C8orf34: variants seen among roughly 807,000 people sequenced by gnomAD.
C8orf34 encodes the protein uncharacterized protein C8orf34.
C8orf34 carries 65 observed loss-of-function variants against 68.3 expected under a neutral mutation model. The ratio of observed to expected loss-of-function variants is 0.95; its 90% CI spans 0.78 to 1.17. C8orf34 has a LOEUF of 1.17. Among genes scored for constraint, C8orf34 ranks in the 50% most tolerant of loss-of-function variants. C8orf34 has a pLI of 0.00. For synonymous variants in C8orf34, 244 were observed against 241.2 expected (o/e 1.01, Z -0.11); for missense variants, 664 against 655.4 (o/e 1.01, Z -0.14).
At chr8:68,553,384 CAAAAAAA>C (rs553767784) in intron 7 of C8orf34, among the ~76,000 whole-genome samples, 2 of 13,660 alleles carry the variant, frequency 1.5e-4, no homozygotes, top group Non-Finnish European at 3.2e-4. Context: ...GACTCCATCT[CAAAAAAA>C]AAAAAAAAAA....
intron 8 of C8orf34, among the ~76,000 whole-genome samples, chr8:68,647,256 C>T (rs1268554144): frequency 6.6e-6 from 1 of 152,038 alleles, no homozygotes; most frequent in African/African-American, 2.4e-5. Context: ...TTGCCTAACA[C>T]CTGATAGAAT....
intron 5 of C8orf34, among the ~76,000 whole-genome samples, chr8:68,498,539 G>A (rs187584127): frequency 3.3e-5 from 5 of 152,220 alleles, no homozygotes; most frequent in African/African-American, 1.2e-4. Flanking sequence ...CAGTCTGAAA[G>A]TGTTTTTAGT....
chr8:68,693,418 A>G (rs890738080), intron 8 of C8orf34, among the ~76,000 whole-genome samples: 1 of 152,070 alleles, frequency 6.6e-6, no homozygotes. Context: ...CTTGGGGACA[A>G]TTTCTTTACC....
intron 3 of C8orf34, among the ~76,000 whole-genome samples, chr8:68,466,366 G>A (rs1368529970): frequency 6.6e-6 from 1 of 151,932 alleles, no homozygotes; most frequent in African/African-American, 2.4e-5. Flanking sequence ...CTCAGTAGAT[G>A]CACACCCTAA....
chr8:68,551,919 C>T (rs557512238), intron 7 of C8orf34, among the ~76,000 whole-genome samples: 2 of 152,154 alleles, frequency 1.3e-5, no homozygotes, highest in South Asian at 4.2e-4. Flanking sequence ...AATATGAATC[C>T]AATTTCATTG....
At chr8:68,770,361 T>G (rs1048692663) in intron 10 of C8orf34, among the ~76,000 whole-genome samples, 1 of 152,182 alleles carries the variant, frequency 6.6e-6, no homozygotes, top group African/African-American at 2.4e-5. Context: ...TTGTACGTAA[T>G]AGTGAAATAA....
chr8:68,447,836 G>C (rs1355995068), intron 3 of C8orf34: 1 of 152,112 alleles, frequency 6.6e-6, no homozygotes, highest in Non-Finnish European at 1.5e-5. Context: ...TAACCAAATT[G>C]TCCTGCTTCA....
At chr8:68,514,476 C>G (rs934448374) in intron 5 of C8orf34, among the ~76,000 whole-genome samples, 1 of 152,206 alleles carries the variant, frequency 6.6e-6, no homozygotes, top group African/African-American at 2.4e-5. Context: ...CATCAGCTCC[C>G]TCTCATTTTT....
At chr8:68,591,844 A>G (rs936446957) in intron 7 of C8orf34, among the ~76,000 whole-genome samples, 3 of 152,176 alleles carry the variant, frequency 2.0e-5, no homozygotes, top group African/African-American at 7.2e-5. Context: ...TGAATTGCCC[A>G]TGATCAGACT....
chr8:68,731,206 A>G (rs1369777818), intron 10 of C8orf34, among the ~76,000 whole-genome samples: 2 of 152,210 alleles, frequency 1.3e-5, no homozygotes, highest in Admixed American at 6.5e-5. Context: ...CATAGATTAC[A>G]TAAAATGGTG....
At chr8:68,665,329 AT>A (rs927870959) in intron 8 of C8orf34, among the ~76,000 whole-genome samples, 1 of 152,196 alleles carries the variant, frequency 6.6e-6, no homozygotes, top group Non-Finnish European at 1.5e-5. Flanking sequence ...GTGTATGTGT[AT>A]GTCTGTTTTG....
intron 11 of C8orf34, among the ~76,000 whole-genome samples, chr8:68,779,258 G>A (rs7813466): frequency 0.49 from 73,612 of 150,954 alleles, 20,426 homozygotes; most frequent in African/African-American, 0.76. Flanking sequence ...GGGAAGCAGC[G>A]TAGTATACTG....
chr8:68,658,306 G>A (rs1297697957), intron 8 of C8orf34, among the ~76,000 whole-genome samples: 1 of 145,278 alleles, frequency 6.9e-6, no homozygotes, highest in African/African-American at 2.6e-5. Flanking sequence ...CCTCCCCTTT[G>A]AATAATGACT....
intron 1 of C8orf34, among the ~76,000 whole-genome samples, chr8:68,437,361 T>C (rs3812450): frequency 0.098 from 14,837 of 152,168 alleles, 823 homozygotes; most frequent in African/African-American, 0.13. Context: ...AGGATAGAAA[T>C]GGCTGTGGCT....
chr8:68,602,643 C>A (rs1313012857), intron 7 of C8orf34, among the ~76,000 whole-genome samples: 1 of 152,016 alleles, frequency 6.6e-6, no homozygotes, highest in Non-Finnish European at 1.5e-5. Context: ...ACAGCCAAAC[C>A]ATATGAGGAA....
At chr8:68,764,332 GAT>G (rs1376986299) in intron 10 of C8orf34, among the ~76,000 whole-genome samples, 5 of 152,222 alleles carry the variant, frequency 3.3e-5, no homozygotes, top group Non-Finnish European at 7.3e-5. Context: ...CAGTTTATGT[GAT>G]AGTTTGTTGG....
At position 68,640,937 on chromosome 8, in the gene C8orf34, G is replaced by C. The variant is rs570750359; in HGVS notation, c.1241+426G>C. On this transcript the variant is annotated intron_variant, in intron 8 of 13. Coordinates refer to ENST00000518698, the MANE Select transcript of C8orf34 (RefSeq NM_052958.4). The stretch of plus-strand genomic sequence containing the variant: ...CCTTATCCTGTTCACCTCCTGGAAA[G>C]AATTTAATCAGCTTGACACTTTCAG... Among the ~76,000 whole-genome samples the C allele has an allele frequency of 8.0e-4, 122 of 152,284 alleles. 2 individuals carry two copies. The highest frequency in any genetic ancestry group is 2.9e-3 in the African/African-American group (121 of 41,574).
intron 7 of C8orf34, among the ~76,000 whole-genome samples, chr8:68,616,551 G>C (rs1296277919): frequency 1.3e-5 from 2 of 152,018 alleles, no homozygotes; most frequent in South Asian, 2.1e-4. Flanking sequence ...TTATGTACCT[G>C]GTAGTCATTC....
chr8:68,440,654 T>A (rs773255708), intron 2 of C8orf34, among the ~76,000 whole-genome samples: 4 of 152,170 alleles, frequency 2.6e-5, no homozygotes, highest in Non-Finnish European at 4.4e-5. Flanking sequence ...CTAAGTAGAA[T>A]GGGTAGGTAG....
Sources: gnomAD v4.1 joint callset for allele counts (sites outside exome capture counted in the v4.1 genomes callset) on GRCh38, gnomAD v4.1.1 for gene constraint, MANE v1.5 for transcripts, NCBI Gene and HGNC (gene_info 2026-07-23, HGNC 2026-07-21) for gene names.